LARGE1: variants seen among roughly 807,000 people sequenced by gnomAD.
The protein encoded by LARGE1 is LARGE xylosyl- and glucuronyltransferase 1, also known as xylosyl- and glucuronyltransferase LARGE1.
Under a neutral mutation model 87.6 loss-of-function variants are expected in LARGE1, and 43 were observed. The ratio of observed to expected loss-of-function variants is 0.49; its 90% confidence interval spans 0.38 to 0.63. The LOEUF is 0.63. LARGE1 is among the 30% of genes least tolerant of loss of function. LARGE1 has a pLI of 0.00. For synonymous variants in LARGE1, 434 were observed against 394.6 expected (o/e 1.10, Z -1.18); for missense variants, 802 against 1,000.2 (o/e 0.80, Z 2.67).
chr22:33,361,591 T>C (rs1282336139), intron 9 of LARGE1, among the ~76,000 whole-genome samples: 1 of 149,236 alleles, frequency 6.7e-6, no homozygotes, highest in Non-Finnish European at 1.5e-5. Context: ...TGAGGGGTAG[T>C]GTGAGGGCAG....
chr22:33,515,720 A>G (rs2071273565), intron 6 of LARGE1, among the ~76,000 whole-genome samples: 1 of 152,176 alleles, frequency 6.6e-6, no homozygotes, highest in Non-Finnish European at 1.5e-5. Flanking sequence ...AAGGTGGTGC[A>G]TGGAAAGTTC....
the LARGE1 span, among the ~76,000 whole-genome samples, chr22:33,120,358 T>TTC: frequency 1.0e-4 from 12 of 118,772 alleles, no homozygotes; most frequent in African/African-American, 3.1e-4. Context: ...TTTTCTTTCT[T>TTC]TTTCTTTCTT....
At chr22:33,572,070 C>T (rs1602500048) in intron 5 of LARGE1, 2 of 507,550 alleles carry the variant, frequency 3.9e-6, no homozygotes, top group East Asian at 7.0e-5. Flanking sequence ...CTTCCTAAGG[C>T]GTTACTATAT....
intron 6 of LARGE1, among the ~76,000 whole-genome samples, chr22:33,545,449 C>CACAA (rs1173952096): frequency 1.2e-3 from 167 of 138,700 alleles, no homozygotes; most frequent in African/African-American, 4.2e-3. Flanking sequence ...CACACACACA[C>CACAA]AATTTCTTCT....
intron 11 of LARGE1, among the ~76,000 whole-genome samples, chr22:33,263,877 A>G (rs963186878): frequency 2.0e-5 from 3 of 152,226 alleles, no homozygotes; most frequent in Admixed American, 6.5e-5. Context: ...TTAAGAACGA[A>G]CTCTGGGGTT....
chr22:33,604,907 CT>C lies in LARGE1; in HGVS notation c.492-350del, dbSNP rs2079211501. Reference sequence around the variant, plus strand: ...CAATTTGGTCAACCTTTATATCTGACTTATCAGCCTTAACGCAGAAACACAA... The same window carrying C: ...CAATTTGGTCAACCTTTATATCTGACTATCAGCCTTAACGCAGAAACACAA... On this transcript the variant is annotated intron_variant, in intron 4 of 14. Transcript: ENST00000397394. 2.0e-5 allele frequency among the ~76,000 whole-genome samples: 3 copies of C among 152,116 alleles called. No homozygotes were observed. The South Asian group carries it at 6.2e-4, about 32-fold the overall frequency.
At chr22:33,144,544 G>C in the LARGE1 span, among the ~76,000 whole-genome samples, 2 of 152,096 alleles carry the variant, frequency 1.3e-5, no homozygotes, top group African/African-American at 4.8e-5. Flanking sequence ...GTGCTGTCAA[G>C]AATCTAATAG....
chr22:33,107,668 C>A, the LARGE1 span, among the ~76,000 whole-genome samples: 1 of 152,076 alleles, frequency 6.6e-6, no homozygotes, highest in Non-Finnish European at 1.5e-5. Flanking sequence ...AGTTTGAGAC[C>A]AGCCTGGGAA....
At chr22:33,720,730 G>C (rs1345694123) in intron 2 of LARGE1, among the ~76,000 whole-genome samples, 1 of 152,136 alleles carries the variant, frequency 6.6e-6, no homozygotes, top group Non-Finnish European at 1.5e-5. Flanking sequence ...AAGTGGACAG[G>C]GCCTACATCT....
chr22:33,509,845 C>T (rs145424957), intron 6 of LARGE1, among the ~76,000 whole-genome samples: 25 of 152,282 alleles, frequency 1.6e-4, no homozygotes, highest in Admixed American at 1.6e-3. Context: ...TTCATTTAGA[C>T]AGAAATGAAT....
At chr22:33,479,752 T>G (rs188903059) in intron 6 of LARGE1, among the ~76,000 whole-genome samples, 1,942 of 151,940 alleles carry the variant, frequency 0.013, 21 homozygotes, top group Admixed American at 0.052. Flanking sequence ...TGACTTTTTT[T>G]TTTTTTTTTT....
chr22:33,499,139 C>T (rs1288002427), intron 6 of LARGE1, among the ~76,000 whole-genome samples: 1 of 152,178 alleles, frequency 6.6e-6, no homozygotes, highest in Non-Finnish European at 1.5e-5. Flanking sequence ...ACCTTCCACA[C>T]CTTGAGGCTG....
At chr22:33,869,526 C>T (rs749533816) in intron 1 of LARGE1, among the ~76,000 whole-genome samples, 3 of 152,196 alleles carry the variant, frequency 2.0e-5, no homozygotes, top group South Asian at 2.1e-4. Flanking sequence ...GGAGCCTCCT[C>T]GGGTCTGTGC....
At chr22:33,610,633 G>A (rs536287087) in intron 4 of LARGE1, among the ~76,000 whole-genome samples, 79 of 152,318 alleles carry the variant, frequency 5.2e-4, no homozygotes, top group Admixed American at 1.6e-3. Context: ...AGGCTTTATA[G>A]GGTGGTGGTG....
At chr22:33,715,691 C>A (rs1261086475) in intron 2 of LARGE1, among the ~76,000 whole-genome samples, 4 of 152,150 alleles carry the variant, frequency 2.6e-5, no homozygotes, top group Non-Finnish European at 5.9e-5. Context: ...AAACAAGTTC[C>A]CAGTTCAGAA....
chr22:33,487,798 C>T (rs1396318511), intron 6 of LARGE1, among the ~76,000 whole-genome samples: 2 of 152,182 alleles, frequency 1.3e-5, no homozygotes, highest in Non-Finnish European at 2.9e-5. Context: ...GACGGCAAGA[C>T]CTCTTGGGCA....
chr22:33,554,671 A>G (rs976467204), intron 6 of LARGE1, among the ~76,000 whole-genome samples: 9 of 152,186 alleles, frequency 5.9e-5, no homozygotes, highest in African/African-American at 1.4e-4. Flanking sequence ...TCTTTTTGAA[A>G]GTACTGTTTT....
chr22:33,145,059 G>A, the LARGE1 span, among the ~76,000 whole-genome samples: 1 of 152,130 alleles, frequency 6.6e-6, no homozygotes, highest in African/African-American at 2.4e-5. Context: ...AGGCTTCTTG[G>A]AAGTAGCAAT....
the LARGE1 span, among the ~76,000 whole-genome samples, chr22:33,112,911 T>C: frequency 6.6e-6 from 1 of 152,082 alleles, no homozygotes; most frequent in South Asian, 2.1e-4. Flanking sequence ...GGAAAATCAA[T>C]CATCATGTCA....
Sources: gnomAD v4.1 joint callset for allele counts (sites outside exome capture counted in the v4.1 genomes callset) on GRCh38, gnomAD v4.1.1 for gene constraint, MANE v1.5 for transcripts, NCBI Gene and HGNC (gene_info 2026-07-23, HGNC 2026-07-21) for gene names.